TBATA: variants seen among roughly 807,000 people sequenced by gnomAD.
TBATA encodes protein TBATA.
In TBATA, 47 loss-of-function variants were observed where a neutral mutation model predicts 38.7. The ratio of observed to expected loss-of-function variants is 1.21; its 90% CI spans 0.96 to 1.55. TBATA has a LOEUF of 1.55. TBATA is among the 40% of genes most tolerant of loss of function. The pLI, the probability that TBATA is intolerant of heterozygous loss-of-function variation, is 0.00. For synonymous variants in TBATA, 183 were observed against 170.5 expected, an observed-to-expected ratio of 1.07 and a Z score of -0.57; for missense variants, 436 against 435.6, an observed-to-expected ratio of 1.00 and a Z score of -0.01.
intron 5 of TBATA, among the ~76,000 whole-genome samples, chr10:70,778,942 T>C (rs960003559): frequency 6.6e-6 from 1 of 152,232 alleles, no homozygotes; most frequent in African/African-American, 2.4e-5. Context: ...TGTGCCAAGA[T>C]GCACATGGTT....
Position 70,783,446 on chromosome 10 carries a change from C to G in TBATA, c.-67G>C, listed in dbSNP as rs979747226. The G allele has an allele frequency of 8.3e-6, 13 of 1,570,014 alleles. No individual in the cohort carries two copies. In the East Asian group the frequency reaches 2.9e-4, roughly 35 times the overall value. On this transcript the variant is annotated 5_prime_UTR_variant, in exon 3 of 11. Coordinates refer to ENST00000456372, the MANE Select transcript of TBATA (RefSeq NM_001318241.2). ...TAGCGTTGAGGATGCAGAACAGGAA[C>G]TCTCACTTAATACTAGTGTTGAGGA...
chr10:70,778,448 TC>T (rs1843700974), intron 6 of TBATA, 108 bp downstream of exon 6: 8 of 1,073,706 alleles, frequency 7.5e-6, no homozygotes, highest in African/African-American at 1.6e-5. Flanking sequence ...TATGAATCAG[TC>T]CCCCCACCCC....
At chr10:70,780,420 G>A (rs1435010000) in intron 4 of TBATA, among the ~76,000 whole-genome samples, 3 of 151,922 alleles carry the variant, frequency 2.0e-5, no homozygotes, top group Admixed American at 6.6e-5. Flanking sequence ...CTCTTGTCCC[G>A]GCTCCCTACC....
chr10:70,776,078 G>A (rs1284279969), intron 7 of TBATA, among the ~76,000 whole-genome samples: 2 of 152,168 alleles, frequency 1.3e-5, no homozygotes, highest in African/African-American at 4.8e-5. Flanking sequence ...GGTGAAAGGT[G>A]GAAGCCCTGG....
intron 10 of TBATA, among the ~76,000 whole-genome samples, chr10:70,771,928 A>C (rs1003302768): frequency 6.6e-6 from 1 of 152,048 alleles, no homozygotes; most frequent in African/African-American, 2.4e-5. Flanking sequence ...CACCCTGCTC[A>C]TAACCCTCTT....
At position 70,781,496 on chromosome 10, in the gene TBATA, C is replaced by T. The variant is rs376546355; in HGVS notation, c.277+305G>A. 3.0e-4 allele frequency among the ~76,000 whole-genome samples: 46 copies of T among 152,360 alleles called. 1 individual carries two copies. The East Asian group carries it at 7.7e-3, about 26-fold the overall frequency. ...TGGATGGCTGAGTGGCTGACATGGC[C>T]TAAGTTAGAGAACTTAAGAGAACAG... On this transcript the variant is annotated intron_variant, in intron 4 of 10. Transcript: ENST00000456372.
At chr10:70,774,066 C>G (rs1256908423) in intron 9 of TBATA, 147 bp downstream of exon 9, 42 of 1,117,144 alleles carry the variant, frequency 3.8e-5, no homozygotes, top group Non-Finnish European at 5.1e-5. Context: ...CTAGAAGGTC[C>G]CTGGGGGAGG....
Position 70,774,238 on chromosome 10 carries a change from G to A in TBATA, c.895C>T (p.Gln299Ter), listed in dbSNP as rs754558853. 1 of 1,612,372 alleles carries A rather than the reference G, an allele frequency of 6.2e-7. No homozygotes were observed. Among genetic ancestry groups the A allele is most frequent in the South Asian group, 1.1e-5 (1 of 90,134 alleles). The change falls in exon 9 of 11, where the codon CAA becomes TAA. Residue 299 changes from glutamine (Q) to a stop codon, truncating the protein, a stop_gained. Transcript: ENST00000456372. LOFTEE classifies it high-confidence loss of function. ...SQLPEVHEPP[Q>*]EKQEPPCSQS... ...CTGCAGGGTGGCTCTTGCTTCTCTT[G>A]AGGAGGTTCATGCACTTCTGGAAGC...
At chr10:70,777,457 C>T in intron 6 of TBATA, 119 bp from the exon 7 acceptor site, 2 of 897,774 alleles carry the variant, frequency 2.2e-6, no homozygotes, top group Non-Finnish European at 3.4e-6. Flanking sequence ...TCCCAAATCC[C>T]AGCATCACAG....
chr10:70,782,708 A>T (rs1844405807), intron 3 of TBATA: 2 of 915,600 alleles, frequency 2.2e-6, no homozygotes, highest in African/African-American at 3.6e-5. Flanking sequence ...CCTCTACCCC[A>T]CACCCCTCCC....
At position 70,778,208 on chromosome 10, in the gene TBATA, T is replaced by A. The variant is rs148505333; in HGVS notation, c.507+349A>T. Among the ~76,000 whole-genome samples the A allele has an allele frequency of 1.4e-4, 22 of 152,118 alleles. No individual in the cohort carries two copies. In the East Asian group the frequency reaches 3.5e-3, roughly 24 times the overall value. On this transcript the variant is annotated intron_variant, in intron 6 of 10. Transcript: ENST00000456372. The stretch of plus-strand genomic sequence containing the variant: ...CCCCACATGCAAAGTCTGCCCCCCC[T>A]CACCTTTCCCATTGCTGCCCACTTA...
chr10:70,777,355 C>T lies in TBATA; in HGVS notation c.508-17G>A. On this transcript the variant is annotated splice_polypyrimidine_tract_variant and intron_variant, in intron 6 of 10. Transcript: ENST00000456372. ...CTCCTTCTGCTGGGACAAAAGTGGC[C>T]AGAGACTCCAGGCAGTCAGCAAGAG... The T allele has an allele frequency of 6.2e-7, 1 of 1,608,248 alleles. No individual in the cohort carries two copies.
intron 4 of TBATA, among the ~76,000 whole-genome samples, chr10:70,781,087 T>A (rs1844152264): frequency 6.6e-6 from 1 of 152,164 alleles, no homozygotes; most frequent in Admixed American, 6.5e-5. Flanking sequence ...TTCTCCGTTC[T>A]CCTCTCCTAC....
chr10:70,772,395 T>C (rs897719259), intron 10 of TBATA, 119 bp downstream of exon 10: 3 of 944,550 alleles, frequency 3.2e-6, no homozygotes, highest in South Asian at 1.3e-5. Context: ...AATGAATAGA[T>C]GAAATGAGCA....
chr10:70,771,574 C>G, intron 10 of TBATA, 113 bp from the exon 11 acceptor site: 3 of 974,062 alleles, frequency 3.1e-6, no homozygotes, highest in Non-Finnish European at 4.6e-6. Flanking sequence ...AAGCCCAGCT[C>G]CTGCTCTCAG....
intron 8 of TBATA, among the ~76,000 whole-genome samples, chr10:70,774,852 G>A (rs555825448): frequency 7.9e-4 from 121 of 152,238 alleles, no homozygotes; most frequent in African/African-American, 2.7e-3. Context: ...GTGTGTGTGT[G>A]GGGGTCTCCC....
intron 2 of TBATA, among the ~76,000 whole-genome samples, chr10:70,784,142 A>G (rs1844600374): frequency 6.6e-6 from 1 of 152,246 alleles, no homozygotes; most frequent in Non-Finnish European, 1.5e-5. Flanking sequence ...AAAAGCAAGC[A>G]AAATGATCAT....
At chr10:70,773,474 G>GCCCCA (rs1160318465) in intron 9 of TBATA, among the ~76,000 whole-genome samples, 1 of 89,180 alleles carries the variant, frequency 1.1e-5, no homozygotes, top group Admixed American at 1.3e-4. Context: ...GGCCCCCCCG[G>GCCCCA]CTTCACCCCG....
In TBATA at chr10:70,779,577, T is replaced by A; in HGVS notation, c.427+16A>T. The stretch of plus-strand genomic sequence containing the variant: ...ATGAGCCCCAGGGTAGAGGGAGGCA[T>A]GGCCCAAGTACCCACCAGAAGAAAG... On this transcript the variant is annotated intron_variant, in intron 5 of 10. Coordinates refer to ENST00000456372, the MANE Select transcript of TBATA (RefSeq NM_001318241.2). 2 of 1,465,640 alleles carry A rather than the reference T, an allele frequency of 1.4e-6. No homozygotes were observed. Among genetic ancestry groups the A allele is most frequent in the Non-Finnish European group, 1.8e-6 (2 of 1,112,590 alleles). 90.8% of individuals were successfully genotyped at this position (1,465,640 alleles called of 1,614,324 possible). A position where few individuals can be genotyped will look rare whatever the true frequency, so the allele number is the denominator to read the frequency against.
Sources: allele counts gnomAD v4.1 joint callset (sites outside exome capture counted in the v4.1 genomes callset), GRCh38; gene constraint gnomAD v4.1.1; transcripts MANE v1.5; gene names NCBI Gene and HGNC (gene_info 2026-07-23, HGNC 2026-07-21).